Variants in NBPF19 observed in about 807,000 individuals in gnomAD.
NBPF19 encodes the protein NBPF member 19, also known as NBPF family member NBPF19.
NBPF19 carries 30 observed loss-of-function variants against 45.9 expected under a neutral mutation model. The observed-to-expected ratio is 0.65, with a 90% CI of 0.49 to 0.89. The LOEUF is 0.89. NBPF19 is among the 40% of genes least tolerant of loss of function. The pLI is 0.00. For synonymous variants in NBPF19, 183 were observed against 181.2 expected (o/e 1.01, Z -0.08); for missense variants, 495 against 471.8 (o/e 1.05, Z -0.46).
intron 10 of NBPF19, 122 bp downstream of exon 10, chr1:149,488,307 C>A (rs1268619762): frequency 1.7e-6 from 1 of 592,232 alleles, no homozygotes; most frequent in Non-Finnish European, 3.0e-6. Flanking sequence ...GACCTATAGG[C>A]ACATGTAGGT....
At chr1:149,477,456 C>T (rs1385068057) in intron 2 of NBPF19, among the ~76,000 whole-genome samples, 6 of 151,206 alleles carry the variant, frequency 4.0e-5, no homozygotes, top group African/African-American at 4.9e-5. Context: ...ATTCTTAAAA[C>T]CATATCTGAA....
intron 93 of NBPF19, 34 bp from the exon 94 acceptor site, chr1:149,554,461 C>G: frequency 2.5e-6 from 4 of 1,608,018 alleles, no homozygotes; most frequent in Non-Finnish European, 2.5e-6. Flanking sequence ...CTGATTTTCC[C>G]TGGCTGCTTC....
At chr1:149,479,872 A>T (rs1374806419) in intron 4 of NBPF19, among the ~76,000 whole-genome samples, 9 of 150,702 alleles carry the variant, frequency 6.0e-5, no homozygotes, top group Admixed American at 5.3e-4. Context: ...CAACGTCCAG[A>T]GAGAGGCTGC....
At chr1:149,486,473 T>C (rs1490394787) in intron 8 of NBPF19, among the ~76,000 whole-genome samples, 180 bp downstream of exon 8, 31 of 150,102 alleles carry the variant, frequency 2.1e-4, no homozygotes, top group African/African-American at 6.8e-4. Context: ...ATGGGGTGGG[T>C]CAGTGAGCTT....
At chr1:149,482,607 G>A (rs1328789858) in intron 7 of NBPF19, among the ~76,000 whole-genome samples, 1 of 152,146 alleles carries the variant, frequency 6.6e-6, no homozygotes, top group Non-Finnish European at 1.5e-5. Context: ...TGCTTCTCTA[G>A]TTATTTTAAT....
intron 13 of NBPF19, among the ~76,000 whole-genome samples, chr1:149,490,892 C>G (rs1230993272): frequency 1.6e-5 from 2 of 128,544 alleles, no homozygotes; most frequent in Non-Finnish European, 3.3e-5. Flanking sequence ...TTCTCTCTCT[C>G]TCTCTCTGTG....
chr1:149,487,111 A>T (rs2085571145), intron 8 of NBPF19, among the ~76,000 whole-genome samples: 1 of 150,690 alleles, frequency 6.6e-6, no homozygotes, highest in African/African-American at 2.4e-5. Context: ...GCACATAGGG[A>T]AGATAACATT....
rs1227351091 is a variant in NBPF19, at chr1:149,554,508, C to G, written c.11302C>G (p.Leu3768Val). Residue 3768 changes from leucine to valine, a missense_variant, in exon 94 of 94, where the codon CTG becomes GTG. Transcript: ENST00000651566. ...NPPCPRLNSV[L>V]MEVEEPEVLQ... Reference sequence around the variant, plus strand: ...CTCCTTTTCCAGGCTCAACAGCGTGCTGATGGAAGTGGAAGAGCCTGAAGT... The same window carrying G: ...CTCCTTTTCCAGGCTCAACAGCGTGGTGATGGAAGTGGAAGAGCCTGAAGT... The G allele has an allele frequency of 0.044, 70,614 of 1,607,874 alleles. 4,461 individuals carry two copies. The highest frequency in any genetic ancestry group is 0.044 in the Non-Finnish European group (51,938 of 1,176,540).
Position 149,487,929 on chromosome 1 carries a change from C to A in NBPF19, c.1041-84C>A, listed in dbSNP as rs1218227476. The A allele has an allele frequency of 3.6e-5, 26 of 726,314 alleles. 1 individual carries two copies. The highest frequency in any genetic ancestry group is 6.1e-5 in the Non-Finnish European group (24 of 394,580). The allele number at this position is 726,314 out of a possible 1,614,324, so 45.0% of individuals were successfully genotyped here. On this transcript the variant is annotated intron_variant, in intron 9 of 93. Transcript: ENST00000651566. The stretch of plus-strand genomic sequence containing the variant: ...TCTCCTTTTTCTTTTCAAACTCTTC[C>A]TTATGTTAGCCATGAAATCTAGCTG...
intron 3 of NBPF19, 48 bp from the exon 4 acceptor site, chr1:149,478,832 T>C: frequency 6.9e-7 from 1 of 1,457,660 alleles, no homozygotes; most frequent in Non-Finnish European, 9.6e-7. Flanking sequence ...TTTGAACGGA[T>C]CACTCAACCC....
At chr1:149,477,401 C>T (rs2084907210) in intron 2 of NBPF19, among the ~76,000 whole-genome samples, 1 of 151,350 alleles carries the variant, frequency 6.6e-6, no homozygotes, top group South Asian at 2.1e-4. Flanking sequence ...ATATTTCCTT[C>T]ATGGCCTTAT....
Position 149,554,828 on chromosome 1 carries a change from A to G in NBPF19, c.*90A>G, listed in dbSNP as rs1392793716. ...GAATGAAACTACAGTTCCATTTGGAAGCCCAGACATAGGATGGGTCAGTGG... is the reference window on the plus strand; with the variant it reads ...GAATGAAACTACAGTTCCATTTGGAGGCCCAGACATAGGATGGGTCAGTGG... On this transcript the variant is annotated 3_prime_UTR_variant, in exon 94 of 94. Coordinates refer to ENST00000651566, the MANE Select transcript of NBPF19 (RefSeq NM_001351365.2). 19 of 1,591,428 alleles carry G rather than the reference A, an allele frequency of 1.2e-5. No individual in the cohort carries two copies. In the South Asian group the frequency reaches 1.9e-4, roughly 16 times the overall value.
intron 9 of NBPF19, 136 bp downstream of exon 9, chr1:149,487,519 T>A: frequency 8.0e-6 from 8 of 995,908 alleles, no homozygotes; most frequent in Non-Finnish European, 1.3e-5. Context: ...ACATTGCTTT[T>A]TTGTTCTCAT....
intron 8 of NBPF19, among the ~76,000 whole-genome samples, 175 bp downstream of exon 8, chr1:149,486,468 G>A (rs1191022764): frequency 1.3e-5 from 2 of 150,098 alleles, no homozygotes; most frequent in Non-Finnish European, 3.0e-5. Flanking sequence ...CAGGCATGGG[G>A]TGGGTCAGTG....
chr1:149,494,126 C>G (rs1285981853), intron 17 of NBPF19, among the ~76,000 whole-genome samples, 192 bp from the exon 18 acceptor site: 15 of 134,494 alleles, frequency 1.1e-4, no homozygotes, highest in African/African-American at 2.9e-4. Context: ...CTCCCTCTCC[C>G]TGTCTTTCTC....
chr1:149,555,723 A>C lies in NBPF19; in HGVS notation c.*985A>C, dbSNP rs1366977859. 1 of 151,338 alleles carries C rather than the reference A, an allele frequency of 6.6e-6. No homozygotes were observed. The highest frequency in any genetic ancestry group is 6.6e-5 in the Admixed American group (1 of 15,186). 9.4% of individuals were successfully genotyped at this position (151,338 alleles called of 1,614,324 possible). A position where few individuals can be genotyped will look rare whatever the true frequency, so the allele number is the denominator to read the frequency against. On this transcript the variant is annotated 3_prime_UTR_variant, in exon 94 of 94. Transcript: ENST00000651566. ...TGTTGTTGTCATGGATGGTGGTGAC[A>C]TGGACTTGTTTATAGAGGACAGGTC...
At chr1:149,488,422 C>A (rs2085760622) in intron 10 of NBPF19, among the ~76,000 whole-genome samples, 1 of 141,136 alleles carries the variant, frequency 7.1e-6, no homozygotes, top group Admixed American at 7.3e-5. Flanking sequence ...TAATCCTACT[C>A]TCATGACGTT....
intron 7 of NBPF19, among the ~76,000 whole-genome samples, chr1:149,484,563 A>G (rs2101590392): frequency 6.9e-6 from 1 of 145,106 alleles, no homozygotes; most frequent in African/African-American, 2.6e-5. Context: ...ATGGAAAAAA[A>G]AAAGAATGTT....
rs1297801630 is a variant in NBPF19, at chr1:149,554,686, C to T, written c.11480C>T (p.Thr3827Met). The change falls in exon 94 of 94, where the codon ACG becomes ATG. Residue 3827 changes from threonine (T) to methionine (M), a missense_variant. Thr to Met is a moderately conservative substitution (Grantham distance 81). Transcript: ENST00000651566. ...TTGGACAATAGGTTTTTTACTTTGA[C>T]GGTGACAAGTCTCCATCTGGTGTTC... ...LYLDNRFFTLTVTSLHLVFQM... is the reference protein window; with the variant it reads ...LYLDNRFFTLMVTSLHLVFQM... 94 of 1,608,130 alleles carry T rather than the reference C, an allele frequency of 5.8e-5. 1 individual carries two copies. The highest frequency in any genetic ancestry group is 6.7e-5 in the East Asian group (3 of 44,866).
Sources: allele counts gnomAD v4.1 joint callset (sites outside exome capture counted in the v4.1 genomes callset), GRCh38; gene constraint gnomAD v4.1.1; transcripts MANE v1.5; gene names NCBI Gene and HGNC (gene_info 2026-07-23, HGNC 2026-07-21).